Variants in GPR174 observed in about 807,000 individuals in gnomAD.
GPR174 encodes G protein-coupled receptor 174, also known as probable G protein-coupled receptor 174.
Under a neutral mutation model 16.5 loss-of-function variants are expected in GPR174, and 8 were observed. The observed-to-expected ratio is 0.48, with a 90% CI of 0.28 to 0.87. The LOEUF (loss-of-function observed/expected upper bound fraction) is 0.87. Among genes scored for constraint, GPR174 ranks in the 40% least tolerant of loss-of-function variants. GPR174 has a pLI of 0.09. For missense variants in GPR174, 214 were observed against 247.5 expected, an observed-to-expected ratio of 0.86 and a Z score of 0.91; for synonymous variants, 111 against 94.8, an observed-to-expected ratio of 1.17 and a Z score of -0.99.
chrX:79,159,186 A>G (rs753335926), intron 2 of GPR174, among the ~76,000 whole-genome samples: 2 of 111,630 alleles, frequency 1.8e-5, no homozygotes, highest in Non-Finnish European at 3.8e-5. Flanking sequence ...GGGGAAATTC[A>G]AGTGCATTTT....
intron 2 of GPR174, among the ~76,000 whole-genome samples, chrX:79,161,398 TA>T (rs372921980): frequency 5.3e-5 from 6 of 112,181 alleles, no homozygotes; most frequent in Admixed American, 9.4e-5. Context: ...AATAAAATCG[TA>T]AAAAAAATTG....
intron 2 of GPR174, among the ~76,000 whole-genome samples, chrX:79,159,437 T>C (rs1030838348): frequency 2.0e-4 from 23 of 112,820 alleles, no homozygotes; most frequent in Admixed American, 1.1e-3. Flanking sequence ...CACACAGTTA[T>C]CTTCCACTGC....
chrX:79,151,256 A>G (rs1185329533), intron 1 of GPR174, among the ~76,000 whole-genome samples: 2 of 111,817 alleles, frequency 1.8e-5, no homozygotes, highest in Non-Finnish European at 3.8e-5. Flanking sequence ...TCATTTTGAC[A>G]ACAACTACAT....
chrX:79,154,063 AC>A (rs2147450108), intron 1 of GPR174, among the ~76,000 whole-genome samples: 1 of 111,968 alleles, frequency 8.9e-6, no homozygotes, highest in African/African-American at 3.2e-5. Flanking sequence ...TATCTACATC[AC>A]CATTGAACTT....
intron 2 of GPR174, among the ~76,000 whole-genome samples, chrX:79,167,940 C>G (rs2147458959): frequency 8.9e-6 from 1 of 111,804 alleles, no homozygotes; most frequent in African/African-American, 3.3e-5. Flanking sequence ...CCAGGAGCGC[C>G]TCTCTTTAAA....
intron 1 of GPR174, among the ~76,000 whole-genome samples, chrX:79,150,295 G>A (rs1926576547): frequency 9.0e-6 from 1 of 111,398 alleles, no homozygotes; most frequent in South Asian, 3.8e-4. Flanking sequence ...AACCTCTGTT[G>A]TGTGGGCTTC....
At chrX:79,146,970 C>T (rs763487092) in intron 1 of GPR174, among the ~76,000 whole-genome samples, 1 of 111,574 alleles carries the variant, frequency 9.0e-6, no homozygotes, top group South Asian at 3.8e-4. Flanking sequence ...GGTGCCTCTT[C>T]CCTTGCCCAT....
intron 1 of GPR174, among the ~76,000 whole-genome samples, chrX:79,147,778 A>G (rs1387051871): frequency 9.0e-6 from 1 of 111,594 alleles, no homozygotes; most frequent in Non-Finnish European, 1.9e-5. Flanking sequence ...GAAGATAAAT[A>G]TATACAGTAA....
At chrX:79,167,429 G>A (rs1166451101) in intron 2 of GPR174, among the ~76,000 whole-genome samples, 1 of 111,105 alleles carries the variant, frequency 9.0e-6, no homozygotes, top group Non-Finnish European at 1.9e-5. Flanking sequence ...ACCCTGAGAG[G>A]TAAAAGCAGT....
chrX:79,171,577 G>A lies in GPR174; in HGVS notation c.570G>A (p.Glu190=). 8.3e-7 allele frequency: 1 copy of A among 1,211,257 alleles called. No homozygotes were observed. The highest frequency in any genetic ancestry group is 1.1e-6 in the Non-Finnish European group (1 of 895,414). Residue 190 remains glutamate, a synonymous_variant, in exon 3 of 3, where the codon GAG becomes GAA. Transcript: ENST00000645147. ...AQSVVMMTIG[E]LIGFVTPLLI... ...CCGTTGTTATGATGACCATTGGCGA[G>A]TTGATTGGGTTTGTAACTCCGCTTC...
rs1921488674 is a variant in GPR174 at position 79,170,647 on chromosome X, A to C, written c.-361A>C. ...AAAGAGAAGGCTATCGTCATATAGG[A>C]ATTTGAGGAACTGCTATATGGTACA... On this transcript the variant is annotated 5_prime_UTR_variant, in exon 3 of 3. Transcript: ENST00000645147. 6.4e-6 allele frequency: 1 copy of C among 157,282 alleles called. No individual in the cohort carries two copies. The highest frequency in any genetic ancestry group is 3.1e-5 in the African/African-American group (1 of 32,050). 13.0% of individuals were successfully genotyped at this position (157,282 alleles called of 1,213,427 possible).
intron 2 of GPR174, among the ~76,000 whole-genome samples, chrX:79,167,427 A>C (rs1443670031): frequency 2.7e-5 from 3 of 111,193 alleles, no homozygotes; most frequent in Non-Finnish European, 5.7e-5. Context: ...AGACCCTGAG[A>C]GGTAAAAGCA....
intron 1 of GPR174, among the ~76,000 whole-genome samples, chrX:79,153,397 A>G (rs1022184256): frequency 4.5e-5 from 5 of 111,894 alleles, no homozygotes; most frequent in African/African-American, 1.6e-4. Context: ...AGCAAACTGG[A>G]GCAGCAGGAA....
intron 2 of GPR174, among the ~76,000 whole-genome samples, chrX:79,162,632 G>A (rs1327933441): frequency 8.9e-6 from 1 of 111,985 alleles, no homozygotes; most frequent in African/African-American, 3.2e-5. Flanking sequence ...TATCTGTTTA[G>A]CAGGTGTTTC....
intron 2 of GPR174, among the ~76,000 whole-genome samples, chrX:79,165,770 A>T (rs774333068): frequency 3.5e-4 from 39 of 111,064 alleles, no homozygotes; most frequent in African/African-American, 1.2e-3. Flanking sequence ...ACAGGCTATT[A>T]ATCGTGTGGA....
intron 2 of GPR174, among the ~76,000 whole-genome samples, chrX:79,167,291 C>G (rs2147458403): frequency 8.9e-6 from 1 of 111,844 alleles, no homozygotes; most frequent in African/African-American, 3.2e-5. Context: ...GATCCTTTGG[C>G]TCCACTCTTT....
chrX:79,151,190 T>C (rs937362391), intron 1 of GPR174, among the ~76,000 whole-genome samples: 2 of 111,659 alleles, frequency 1.8e-5, no homozygotes, highest in African/African-American at 6.5e-5. Context: ...AAGTAATATA[T>C]ATTTTTAAAA....
intron 2 of GPR174, among the ~76,000 whole-genome samples, chrX:79,163,274 A>C (rs1315963685): frequency 8.9e-6 from 1 of 112,382 alleles, no homozygotes; most frequent in Non-Finnish European, 1.9e-5. Flanking sequence ...CGATTGTCAA[A>C]ATTTTATAAA....
intron 2 of GPR174, among the ~76,000 whole-genome samples, chrX:79,162,845 A>G (rs1314786477): frequency 8.9e-6 from 1 of 111,931 alleles, no homozygotes; most frequent in Non-Finnish European, 1.9e-5. Context: ...TTAAAGGAAG[A>G]AGGGCCAATT....
Sources: gnomAD v4.1 joint callset for allele counts (sites outside exome capture counted in the v4.1 genomes callset) on GRCh38, gnomAD v4.1.1 for gene constraint, MANE v1.5 for transcripts, NCBI Gene and HGNC (gene_info 2026-07-23, HGNC 2026-07-21) for gene names.